Variants in CNTNAP4 observed in about 807,000 individuals in gnomAD.
The protein encoded by CNTNAP4 is contactin-associated protein-like 4.
In CNTNAP4, 98 loss-of-function variants were observed where a neutral mutation model predicts 148.4. The observed-to-expected ratio is 0.66, with a 90% CI of 0.56 to 0.78. The LOEUF is 0.78. Ranked by LOEUF, CNTNAP4 falls within the 30% of genes least tolerant of loss-of-function variation. The pLI, the probability that CNTNAP4 is intolerant of heterozygous loss-of-function variation, is 0.00. For missense variants in CNTNAP4, 1,935 were observed against 1,565.6 expected, an observed-to-expected ratio of 1.24 and a Z score of -3.98; for synonymous variants, 730 against 565.1, an observed-to-expected ratio of 1.29 and a Z score of -4.14.
At chr16:76,310,189 TG>T (rs1159789762) in intron 1 of CNTNAP4, among the ~76,000 whole-genome samples, 1 of 152,166 alleles carries the variant, frequency 6.6e-6, no homozygotes, top group East Asian at 1.9e-4. Flanking sequence ...CATCAGGTAC[TG>T]GGTTGTGTGT....
At chr16:76,436,740 T>C (rs1403627283) in intron 4 of CNTNAP4, among the ~76,000 whole-genome samples, 2 of 152,120 alleles carry the variant, frequency 1.3e-5, no homozygotes, top group African/African-American at 4.8e-5. Flanking sequence ...TCCAATGCAT[T>C]AATTTTGCCT....
chr16:76,517,076 A>G (rs1302794726), intron 15 of CNTNAP4, among the ~76,000 whole-genome samples: 1 of 152,136 alleles, frequency 6.6e-6, no homozygotes, highest in Non-Finnish European at 1.5e-5. Context: ...AAAATGAGTA[A>G]TTCTGATTTT....
At chr16:76,497,381 G>A (rs1203348109) in intron 14 of CNTNAP4, among the ~76,000 whole-genome samples, 3 of 151,882 alleles carry the variant, frequency 2.0e-5, no homozygotes, top group Admixed American at 6.6e-5. Context: ...AATCTGTAAA[G>A]CAAACATTGA....
At chr16:76,468,682 T>G (rs991920494) in intron 10 of CNTNAP4, among the ~76,000 whole-genome samples, 1 of 151,906 alleles carries the variant, frequency 6.6e-6, no homozygotes, top group African/African-American at 2.4e-5. Context: ...GACAGGGTTT[T>G]GCCATGTTCA....
At position 76,560,526 on chromosome 16, in the gene CNTNAP4, ATC is replaced by A. The variant is rs1219456053; in HGVS notation, c.*1847_*1848del. Among the ~76,000 whole-genome samples, 1 of 152,206 alleles carries A rather than the reference ATC, an allele frequency of 6.6e-6. No homozygotes were observed. Among genetic ancestry groups the A allele is most frequent in the East Asian group, 1.9e-4 (1 of 5,194 alleles). ...CAAAGCTGAGTGCAAACATCATTAT[ATC>A]TCTGAATCTTTTGCAGATGTTCATG... is the stretch of plus-strand genomic sequence containing the variant. On this transcript the variant is annotated 3_prime_UTR_variant, in exon 24 of 24. Transcript: ENST00000611870.
At chr16:76,292,247 C>G (rs1959145024) in intron 1 of CNTNAP4, among the ~76,000 whole-genome samples, 1 of 152,200 alleles carries the variant, frequency 6.6e-6, no homozygotes, top group Non-Finnish European at 1.5e-5. Flanking sequence ...AACGTTACCA[C>G]TGTCTCCTTG....
In CNTNAP4 at chr16:76,277,451, A is replaced by G. The variant is rs374017514; in HGVS notation, c.-212A>G. On this transcript the variant is annotated 5_prime_UTR_variant, in exon 1 of 24. Transcript: ENST00000611870. The stretch of plus-strand genomic sequence containing the variant: ...TGTGTGTGAGAGAGAGAGAGAAAAG[A>G]GAGAGACAGAGACGGGGAGAGAGAG... The G allele has an allele frequency of 3.5e-5, 19 of 546,002 alleles. No homozygotes were observed. Among genetic ancestry groups the G allele is most frequent in the African/African-American group, 2.3e-4 (12 of 52,774 alleles). 33.8% of individuals were successfully genotyped at this position (546,002 alleles called of 1,614,324 possible). A position where few individuals can be genotyped will look rare whatever the true frequency, so the allele number is the denominator to read the frequency against.
At chr16:76,303,845 G>C (rs776620832) in intron 1 of CNTNAP4, among the ~76,000 whole-genome samples, 1 of 152,118 alleles carries the variant, frequency 6.6e-6, no homozygotes, top group Non-Finnish European at 1.5e-5. Flanking sequence ...TTCTTTTTAA[G>C]TAATTCAGTA....
chr16:76,538,381 A>G (rs1411102318), intron 19 of CNTNAP4, 41 bp downstream of exon 19: 1 of 1,385,134 alleles, frequency 7.2e-7, no homozygotes, highest in East Asian at 2.3e-5. Context: ...TTAAATTAGA[A>G]CACTAGCTCT....
At position 76,535,596 on chromosome 16, in the gene CNTNAP4, A is replaced by G. The variant is rs1402614084; in HGVS notation, c.2807A>G (p.Gln936Arg). 1.2e-6 allele frequency: 2 copies of G among 1,613,132 alleles called. No homozygotes were observed. The highest frequency in any genetic ancestry group is 1.7e-6 in the Non-Finnish European group (2 of 1,180,002). ...RGFLGCIRSL[Q>R]LNGMTLDLEE... ...TTTCTGGGCTGCATTCGGTCTCTGC[A>G]GTTGAATGGGATGACCCTGGATTTG... The change falls in exon 18 of 24, where the codon CAG becomes CGG. Residue 936 changes from glutamine (Q) to arginine (R), a missense_variant. Coordinates refer to ENST00000611870, the MANE Select transcript of CNTNAP4 (RefSeq NM_033401.5).
intron 1 of CNTNAP4, among the ~76,000 whole-genome samples, chr16:76,302,444 T>G (rs1442654370): frequency 6.6e-6 from 1 of 152,092 alleles, no homozygotes; most frequent in Admixed American, 6.6e-5. Flanking sequence ...TCCTAGAGGC[T>G]GTCCATCGTT....
chr16:76,306,235 C>T (rs12928176), intron 1 of CNTNAP4, among the ~76,000 whole-genome samples: 39,460 of 152,142 alleles, frequency 0.26, 5,904 homozygotes, highest in Non-Finnish European at 0.35. Context: ...AATATCTAAA[C>T]TGCTTTCTAC....
At chr16:76,344,794 G>T (rs1352775250) in intron 2 of CNTNAP4, among the ~76,000 whole-genome samples, 1 of 152,180 alleles carries the variant, frequency 6.6e-6, no homozygotes, top group Non-Finnish European at 1.5e-5. Context: ...TCTTTCGGTT[G>T]TGTCAGTTCC....
In CNTNAP4 at chr16:76,498,641, G is replaced by A. The variant is rs757017062; in HGVS notation, c.2312G>A (p.Arg771Gln). The part of the protein sequence containing the change: ...VTKIVITDTG[R>Q]LHSEAAYKLG... ...AAGATCGTGATTACAGACACAGGCC[G>A]ACTGCATTCAGAAGCAGCTTATAAA... The change falls in exon 15 of 24, where the codon CGA becomes CAA. Residue 771 changes from arginine to glutamine, a missense_variant. Coordinates refer to ENST00000611870, the MANE Select transcript of CNTNAP4 (RefSeq NM_033401.5). The A allele has an allele frequency of 6.9e-5, 111 of 1,612,628 alleles. 1 individual carries two copies. The highest frequency in any genetic ancestry group is 8.6e-5 in the Non-Finnish European group (102 of 1,179,302).
chr16:76,522,602 T>TTCCTTCCTTCC (rs1475909817), intron 17 of CNTNAP4, among the ~76,000 whole-genome samples: 2 of 75,898 alleles, frequency 2.6e-5, no homozygotes, highest in African/African-American at 9.8e-5. Flanking sequence ...CTCTCTTTCT[T>TTCCTTCCTTCC]TTCTTTATTT....
At position 76,524,992 on chromosome 16, in the gene CNTNAP4, G is replaced by C. The variant is rs117198613; in HGVS notation, c.2755+2735G>C. Among the ~76,000 whole-genome samples, 973 of 152,162 alleles carry C rather than the reference G, an allele frequency of 6.4e-3. 4 individuals carry two copies. The highest frequency in any genetic ancestry group is 0.01 in the Middle Eastern group (3 of 294). On this transcript the variant is annotated intron_variant, in intron 17 of 23. Coordinates refer to ENST00000611870, the MANE Select transcript of CNTNAP4 (RefSeq NM_033401.5). ...AAAAAAGAAAAAAAAAACACTTGTA[G>C]TCTTGGGTAGAGAAAATTACTGGCT...
chr16:76,448,634 T>C (rs1273841614), intron 5 of CNTNAP4, 133 bp from the exon 6 acceptor site: 2 of 618,080 alleles, frequency 3.2e-6, no homozygotes, highest in Non-Finnish European at 5.4e-6. Context: ...GGGAAATGCA[T>C]CCTAGTATTT....
chr16:76,486,981 A>G (rs1331399124), intron 12 of CNTNAP4, among the ~76,000 whole-genome samples: 3 of 152,192 alleles, frequency 2.0e-5, no homozygotes, highest in Non-Finnish European at 4.4e-5. Flanking sequence ...TGTGTCTGTT[A>G]GTATAGATTA....
intron 1 of CNTNAP4, among the ~76,000 whole-genome samples, chr16:76,308,064 C>G (rs1041104762): frequency 1.3e-5 from 2 of 152,138 alleles, no homozygotes; most frequent in African/African-American, 4.8e-5. Flanking sequence ...TTATCCCTGT[C>G]TTAGTAGTTT....
Sources: allele counts gnomAD v4.1 joint callset (sites outside exome capture counted in the v4.1 genomes callset), GRCh38; gene constraint gnomAD v4.1.1; transcripts MANE v1.5; gene names NCBI Gene and HGNC (gene_info 2026-07-23, HGNC 2026-07-21).